The following ABCA13 variants were observed in gnomAD, a reference collection of about 807,000 sequenced individuals.
ABCA13 encodes ATP binding cassette subfamily A member 13, also known as ATP-binding cassette sub-family A member 13.
A neutral mutation model predicts 478.7 loss-of-function variants in ABCA13; 476 were observed. That is an observed-to-expected ratio of 0.99 (90% CI 0.92 to 1.07). ABCA13 has a LOEUF of 1.07. Ranked by LOEUF, ABCA13 falls within the 50% of genes least tolerant of loss-of-function variation. ABCA13 has a pLI of 0.00. For synonymous variants in ABCA13, 2,252 were observed against 2,158.9 expected, an observed-to-expected ratio of 1.04 and a Z score of -1.20; for missense variants, 6,060 against 5,910.6, an observed-to-expected ratio of 1.03 and a Z score of -0.83.
At chr7:48,517,000 A>G in intron 52 of ABCA13, 119 bp downstream of exon 52, 7 of 1,135,816 alleles carry the variant, frequency 6.2e-6, no homozygotes, top group Non-Finnish European at 8.7e-6. Context: ...ATTGGTATCC[A>G]CTGTCTTTAA....
At chr7:48,337,905 A>G (rs1459673127) in intron 28 of ABCA13, among the ~76,000 whole-genome samples, 1 of 152,226 alleles carries the variant, frequency 6.6e-6, no homozygotes, top group Non-Finnish European at 1.5e-5. Flanking sequence ...AGATGAAGCA[A>G]TGAAAGATGC....
chr7:48,311,648 C>G (rs907900472), intron 24 of ABCA13, among the ~76,000 whole-genome samples: 10 of 152,190 alleles, frequency 6.6e-5, no homozygotes, highest in African/African-American at 2.4e-4. Context: ...TGGATTCAGT[C>G]TCCCAGACAC....
In ABCA13 at chr7:48,376,459, T is replaced by C. The variant is rs749995477; in HGVS notation, c.11222T>C (p.Met3741Thr). Residue 3741 changes from methionine (M) to threonine (T), a missense_variant, in exon 35 of 62, where the codon ATG becomes ACG. Met to Thr is a moderately conservative substitution (Grantham distance 81, BLOSUM62 -1). Around this residue, in one of 3 missense-constraint regions of ABCA13, gnomAD observed 4,423 missense variants for 4,309.1 expected, o/e 1.03. Coordinates refer to ENST00000435803, the MANE Select transcript of ABCA13 (RefSeq NM_152701.5). ...CTGCTAGGGATTCAATGGAATAATA[T>C]GTACCAGGCTCTGGAACAAGGGGGC... Reference protein sequence around the residue: ...GQETGIQWNNMYQALEQGGMT... With the variant: ...GQETGIQWNNTYQALEQGGMT... The C allele has an allele frequency of 8.1e-6, 13 of 1,613,652 alleles. No individual in the cohort carries two copies. The Admixed American group carries it at 1.8e-4, about 23-fold the overall frequency.
intron 19 of ABCA13, among the ~76,000 whole-genome samples, chr7:48,284,876 G>A (rs1028224014): frequency 3.9e-5 from 6 of 152,200 alleles, no homozygotes. Context: ...ATTGACCAAT[G>A]TGGGCAAATA....
intron 35 of ABCA13, 126 bp downstream of exon 35, chr7:48,376,698 A>C: frequency 8.8e-7 from 1 of 1,139,176 alleles, no homozygotes; most frequent in South Asian, 1.8e-5. Context: ...CTTAGGATAT[A>C]TATTTAAAAG....
At chr7:48,594,657 A>AT (rs2131438652) in intron 57 of ABCA13, 53 bp from the exon 58 acceptor site, 3 of 1,524,644 alleles carry the variant, frequency 2.0e-6, no homozygotes, top group South Asian at 2.2e-5. Context: ...CATTGTGTAT[A>AT]TTTCTATTTG....
intron 27 of ABCA13, among the ~76,000 whole-genome samples, chr7:48,327,444 T>G (rs771538409): frequency 3.3e-5 from 5 of 152,086 alleles, no homozygotes; most frequent in Non-Finnish European, 5.9e-5. Context: ...GTGGGGATTA[T>G]GGGAAGTACA....
chr7:48,467,027 C>T lies in ABCA13; in HGVS notation c.12887C>T (p.Ala4296Val), dbSNP rs776663137. 19 of 1,613,976 alleles carry T rather than the reference C, an allele frequency of 1.2e-5. No individual in the cohort carries two copies. Among genetic ancestry groups the T allele is most frequent in the Non-Finnish European group, 1.1e-5 (13 of 1,179,880 alleles). The stretch of plus-strand genomic sequence containing the variant: ...TTTAGAGATCAAGATTTGCCCTGTG[C>T]AGATTTAAACCCACGCCAGTAAGTG... ...RKFRDQDLPC[A>V]DLNPRQKNSS... The change falls in exon 44 of 62, where the codon GCA (alanine) becomes GTA (valine). Residue 4296 changes from alanine (A) to valine (V), a missense_variant. By Grantham distance (64) the Ala-to-Val change is moderately conservative. Around this residue, in one of 3 missense-constraint regions of ABCA13, gnomAD observed 1,627 missense variants for 1,571.0 expected, o/e 1.04. Coordinates refer to ENST00000435803, the MANE Select transcript of ABCA13 (RefSeq NM_152701.5).
In ABCA13 at chr7:48,643,183, G is replaced by C. The variant is rs1795222049; in HGVS notation, c.14838-105G>C. On this transcript the variant is annotated intron_variant, in intron 59 of 61. Transcript: ENST00000435803. ...GAGAATCCAAACTCCCAACAATTTG[G>C]AGTAATTACTTCCTTTTTCTCCCTC... 7.3e-6 allele frequency: 5 copies of C among 683,246 alleles called. No individual in the cohort carries two copies. In the South Asian group the frequency reaches 1.1e-4, roughly 16 times the overall value. 42.3% of individuals were successfully genotyped at this position (683,246 alleles called of 1,614,324 possible). A position where few individuals can be genotyped will look rare whatever the true frequency, so the allele number is the denominator to read the frequency against.
chr7:48,314,579 C>A (rs1802272229), intron 26 of ABCA13, among the ~76,000 whole-genome samples, 170 bp downstream of exon 26: 1 of 152,184 alleles, frequency 6.6e-6, no homozygotes, highest in African/African-American at 2.4e-5. Flanking sequence ...TTGAACGGTT[C>A]TAGTGCCTTT....
At position 48,274,630 on chromosome 7, in the gene ABCA13, G is replaced by A. The variant is rs376258229; in HGVS notation, c.4964G>A (p.Gly1655Asp). Residue 1655 changes from glycine (G) to aspartate (D), a missense_variant, in exon 17 of 62, where the codon GGT (glycine) becomes GAT (aspartate). Physicochemically the swap from Gly to Asp is moderately conservative, Grantham distance 94 (BLOSUM62 -1). Coordinates refer to ENST00000435803, the MANE Select transcript of ABCA13 (RefSeq NM_152701.5). ...VVHHTSPQNA[G>D]YMQALKKVTS... ...CATCACACTAGTCCACAAAATGCAG[G>A]TTATATGCAAGCTTTGAAGAAGGTA... The A allele has an allele frequency of 6.2e-7, 1 of 1,613,938 alleles. No individual in the cohort carries two copies. Among genetic ancestry groups the A allele is most frequent in the East Asian group, 2.2e-5 (1 of 44,884 alleles).
chr7:48,536,719 A>T (rs767331182), intron 55 of ABCA13, among the ~76,000 whole-genome samples: 105 of 152,128 alleles, frequency 6.9e-4, no homozygotes, highest in Non-Finnish European at 1.1e-3. Flanking sequence ...CCTTTTGACA[A>T]ATTTGTTATA....
chr7:48,316,549 A>G (rs926781731), intron 26 of ABCA13, among the ~76,000 whole-genome samples: 7 of 152,154 alleles, frequency 4.6e-5, no homozygotes, highest in African/African-American at 1.2e-4. Context: ...AAACTATAAC[A>G]GGGAAAAAAA....
chr7:48,579,238 T>C (rs1788474126), intron 55 of ABCA13, among the ~76,000 whole-genome samples: 1 of 152,204 alleles, frequency 6.6e-6, no homozygotes, highest in Non-Finnish European at 1.5e-5. Flanking sequence ...CCATGTCTCA[T>C]AAAAGACTTG....
intron 13 of ABCA13, among the ~76,000 whole-genome samples, chr7:48,246,235 C>G (rs1385749790): frequency 6.6e-6 from 1 of 152,146 alleles, no homozygotes; most frequent in African/African-American, 2.4e-5. Context: ...ACCCGCCTGG[C>G]CAAAACCTAC....
chr7:48,247,419 A>C (rs1484092213), intron 13 of ABCA13, among the ~76,000 whole-genome samples: 1 of 152,138 alleles, frequency 6.6e-6, no homozygotes, highest in African/African-American at 2.4e-5. Flanking sequence ...GAAGCAGGGA[A>C]CTATGTATTT....
At chr7:48,254,304 C>T (rs1793047735) in intron 15 of ABCA13, among the ~76,000 whole-genome samples, 1 of 152,040 alleles carries the variant, frequency 6.6e-6, no homozygotes, top group South Asian at 2.1e-4. Flanking sequence ...CACTCTATTG[C>T]CCAGGGTGGA....
intron 57 of ABCA13, among the ~76,000 whole-genome samples, chr7:48,587,658 T>C (rs1193640403): frequency 1.3e-5 from 2 of 152,050 alleles, no homozygotes; most frequent in African/African-American, 4.8e-5. Context: ...ACAGCAGTAG[T>C]GACACCTGTC....
chr7:48,603,383 A>G (rs1489401336), intron 58 of ABCA13, among the ~76,000 whole-genome samples: 1 of 152,034 alleles, frequency 6.6e-6, no homozygotes, highest in Non-Finnish European at 1.5e-5. Flanking sequence ...AAATAATCTT[A>G]TTATTTTGCA....
Sources: allele counts gnomAD v4.1 joint callset (sites outside exome capture counted in the v4.1 genomes callset), GRCh38; gene constraint gnomAD v4.1.1; regional missense constraint gnomAD v4.1.1; transcripts MANE v1.5; gene names NCBI Gene and HGNC (gene_info 2026-07-23, HGNC 2026-07-21).